SEPTIN9: variants seen among roughly 807,000 people sequenced by gnomAD.
The protein encoded by SEPTIN9 is septin 9, also known as septin-9.
A neutral mutation model predicts 56.6 loss-of-function variants in SEPTIN9; 13 were observed. That is an observed-to-expected ratio of 0.23 (90% confidence interval 0.15 to 0.37). SEPTIN9 has a LOEUF of 0.37. SEPTIN9 is among the 10% of genes least tolerant of loss of function. The probability of loss-of-function intolerance (pLI) is 1.00; values close to 1 mark genes in which losing one functional copy is unlikely to be tolerated. For synonymous variants in SEPTIN9, 332 were observed against 334.1 expected, an observed-to-expected ratio of 0.99 and a Z score of 0.07; for missense variants, 650 against 823.1, an observed-to-expected ratio of 0.79 and a Z score of 2.57.
chr17:77,331,435 G>T (rs1471652551), intron 2 of SEPTIN9, among the ~76,000 whole-genome samples: 2 of 152,050 alleles, frequency 1.3e-5, no homozygotes, highest in Non-Finnish European at 1.5e-5. Flanking sequence ...GGATGTTGAG[G>T]TGTGGGTGGG....
intron 2 of SEPTIN9, chr17:77,377,028 A>G (rs925374453): frequency 6.6e-6 from 1 of 152,284 alleles, no homozygotes; most frequent in African/African-American, 2.4e-5. Context: ...GTTCCCAGGA[A>G]TGGAGAGGGT....
chr17:77,403,285 G>A (rs919348097), intron 3 of SEPTIN9, among the ~76,000 whole-genome samples: 1 of 152,196 alleles, frequency 6.6e-6, no homozygotes, highest in Admixed American at 6.5e-5. Flanking sequence ...CAGAGGGAGG[G>A]GAACATGAGG....
At chr17:77,495,034 T>C (rs2040193168) in intron 10 of SEPTIN9, among the ~76,000 whole-genome samples, 1 of 151,956 alleles carries the variant, frequency 6.6e-6, no homozygotes, top group Non-Finnish European at 1.5e-5. Context: ...TAGGAAACTT[T>C]TTATGAAAGG....
chr17:77,352,921 T>C (rs1424877854), intron 2 of SEPTIN9, among the ~76,000 whole-genome samples: 1 of 152,130 alleles, frequency 6.6e-6, no homozygotes, highest in Non-Finnish European at 1.5e-5. Context: ...AACACTGGGA[T>C]TAGAGACATG....
chr17:77,496,997 A>T (rs928361026), intron 10 of SEPTIN9: 8 of 447,906 alleles, frequency 1.8e-5, no homozygotes, highest in Non-Finnish European at 4.1e-6. Context: ...TGGCTTCTCC[A>T]CTGTGGCTTC....
intron 1 of SEPTIN9, among the ~76,000 whole-genome samples, chr17:77,303,257 C>T (rs1486146040): frequency 5.3e-5 from 8 of 151,618 alleles, no homozygotes; most frequent in Non-Finnish European, 1.0e-4. Context: ...AATGCCACCA[C>T]GCCCGGCTAA....
chr17:77,356,191 C>A lies in SEPTIN9; in HGVS notation c.77-45868C>A, dbSNP rs1598244274. Among the ~76,000 whole-genome samples the A allele has an allele frequency of 2.0e-5, 3 of 152,094 alleles. No homozygotes were observed. In the East Asian group the frequency reaches 5.8e-4, roughly 29 times the overall value. ...GGCGACACTGTGTCTCAGCCTCATT[C>A]ATTTCTCCATCCTACAGACACTGCC... On this transcript the variant is annotated intron_variant, in intron 2 of 11. Coordinates refer to ENST00000427177, the MANE Select transcript of SEPTIN9 (RefSeq NM_001113491.2).
At chr17:77,480,562 G>T (rs761387503) in intron 3 of SEPTIN9, among the ~76,000 whole-genome samples, 1 of 152,226 alleles carries the variant, frequency 6.6e-6, no homozygotes, top group Non-Finnish European at 1.5e-5. Flanking sequence ...AGGAGTGGGC[G>T]TGGGCCGGGA....
rs777583122 is a variant in SEPTIN9, at chr17:77,310,652, C to T, written c.76+3455C>T. 6.6e-6 allele frequency among the ~76,000 whole-genome samples: 1 copy of T among 152,188 alleles called. No individual in the cohort carries two copies. The highest frequency in any genetic ancestry group is 1.5e-5 in the Non-Finnish European group (1 of 68,036). On this transcript the variant is annotated intron_variant, in intron 2 of 11. Transcript: ENST00000427177. This position sits in a 1 kb window ranked among gnomAD's most constrained non-coding sequence, Gnocchi z 4.7. ...AGCCCTTCTAGATGTTACCACCACG[C>T]CCTCCCGAGTGGCCTTCTGGTAGGC...
chr17:77,460,719 G>A (rs944919884), intron 3 of SEPTIN9, among the ~76,000 whole-genome samples: 1 of 152,198 alleles, frequency 6.6e-6, no homozygotes, highest in African/African-American at 2.4e-5. Context: ...AGCAAGGGAT[G>A]TGGGGGCCTG....
chr17:77,289,747 C>G (rs948550950), intron 1 of SEPTIN9, among the ~76,000 whole-genome samples: 13 of 151,942 alleles, frequency 8.6e-5, no homozygotes, highest in African/African-American at 3.2e-4. Context: ...TTAAGGAAAG[C>G]AATCTAAACT....
intron 11 of SEPTIN9, 28 bp from the exon 12 acceptor site, chr17:77,498,495 C>G (rs777294858): frequency 2.9e-6 from 2 of 690,284 alleles, no homozygotes; most frequent in East Asian, 5.8e-5. Flanking sequence ...GCCCACCTCA[C>G]TGACCCGCCC....
chr17:77,376,225 G>C (rs2034914020), intron 2 of SEPTIN9: 2 of 986,190 alleles, frequency 2.0e-6, no homozygotes, highest in African/African-American at 3.5e-5. Context: ...ATAAGGAGGG[G>C]CCTGCCTGTG....
intron 1 of SEPTIN9, among the ~76,000 whole-genome samples, chr17:77,306,898 G>C (rs529569413): frequency 1.6e-3 from 251 of 152,252 alleles, no homozygotes; most frequent in Middle Eastern, 0.01. Context: ...GTAGGGCTTG[G>C]GGGAGGATGT....
intron 3 of SEPTIN9, among the ~76,000 whole-genome samples, chr17:77,481,127 C>T (rs2039437418): frequency 6.6e-6 from 1 of 152,222 alleles, no homozygotes; most frequent in Admixed American, 6.5e-5. Flanking sequence ...TGTGTGGGAG[C>T]ACCTGGGTCC....
chr17:77,346,254 G>A (rs2033887790), intron 2 of SEPTIN9, among the ~76,000 whole-genome samples: 2 of 112,212 alleles, frequency 1.8e-5, no homozygotes, highest in Non-Finnish European at 3.6e-5. Context: ...CATTTTTCCA[G>A]ATTCTTAAAG....
intron 3 of SEPTIN9, among the ~76,000 whole-genome samples, chr17:77,419,627 G>T (rs146374555): frequency 6.6e-6 from 1 of 152,162 alleles, no homozygotes; most frequent in Non-Finnish European, 1.5e-5. Flanking sequence ...TCTCTCTCCC[G>T]GTCCCTCCCC....
At chr17:77,484,529 ATGGTGG>A (rs1268600188) in intron 4 of SEPTIN9, among the ~76,000 whole-genome samples, 12 of 115,344 alleles carry the variant, frequency 1.0e-4, no homozygotes, top group Admixed American at 3.4e-4. Flanking sequence ...GGTAATTGTG[ATGGTGG>A]TGGTGGTGAT....
chr17:77,368,763 T>C (rs1022505691), intron 2 of SEPTIN9, among the ~76,000 whole-genome samples: 8 of 152,256 alleles, frequency 5.3e-5, no homozygotes, highest in Non-Finnish European at 7.3e-5. Context: ...TAAGTAATTA[T>C]ATTTAAAACA....
Sources: gnomAD v4.1 joint callset for allele counts (sites outside exome capture counted in the v4.1 genomes callset) on GRCh38, gnomAD v4.1.1 for gene constraint, Gnocchi (gnomAD v3.1) non-coding constraint, MANE v1.5 for transcripts, NCBI Gene and HGNC (gene_info 2026-07-23, HGNC 2026-07-21) for gene names.